The following KIAA1671 variants were observed in gnomAD, a reference collection of about 807,000 sequenced individuals.
The protein encoded by KIAA1671 is uncharacterized protein KIAA1671.
A neutral mutation model predicts 131.2 loss-of-function variants in KIAA1671; 52 were observed. That is an observed-to-expected ratio of 0.40 (90% CI 0.32 to 0.50). The LOEUF (loss-of-function observed/expected upper bound fraction) is 0.50. KIAA1671 is among the 20% of genes least tolerant of loss of function. The pLI is 0.73. For missense variants in KIAA1671, 2,360 were observed against 2,364.2 expected (o/e 1.00, Z 0.04); for synonymous variants, 1,003 against 961.6 (o/e 1.04, Z -0.80).
intron 10 of KIAA1671, among the ~76,000 whole-genome samples, chr22:25,183,097 C>T (rs551771798): frequency 6.6e-6 from 1 of 152,282 alleles, no homozygotes; most frequent in South Asian, 2.1e-4. Context: ...CATGTGCTTG[C>T]AAACTCACTT....
intron 6 of KIAA1671, among the ~76,000 whole-genome samples, chr22:25,165,605 T>C (rs1335248160): frequency 6.6e-6 from 1 of 152,192 alleles, no homozygotes; most frequent in African/African-American, 2.4e-5. Flanking sequence ...TTAATGTCAA[T>C]TTAAATTAAA....
At chr22:25,088,481 G>A (rs1020972736) in intron 6 of KIAA1671, among the ~76,000 whole-genome samples, 2 of 152,154 alleles carry the variant, frequency 1.3e-5, no homozygotes, top group African/African-American at 2.4e-5. Flanking sequence ...GTACAGAGGT[G>A]CGGCCACCAC....
chr22:25,146,686 A>G (rs1646791311), intron 6 of KIAA1671, among the ~76,000 whole-genome samples: 1 of 152,160 alleles, frequency 6.6e-6, no homozygotes, highest in Non-Finnish European at 1.5e-5. Flanking sequence ...GCAATGGATA[A>G]TGTTCCCCCC....
chr22:25,039,942 G>C lies in KIAA1671; in HGVS notation c.2812G>C (p.Gly938Arg), dbSNP rs886871438. ...PQPAVRMRKAGAMDQRMDRWR... is the reference protein window; with the variant it reads ...PQPAVRMRKARAMDQRMDRWR... ...GCCTGCAGTCAGAATGCGGAAAGCC[G>C]GCGCCATGGACCAGAGAATGGACAG... Residue 938 changes from glycine (G) to arginine (R), a missense_variant, in exon 5 of 13, where the codon GGC (glycine) becomes CGC (arginine). Around this residue, in one of 3 missense-constraint regions of KIAA1671, gnomAD observed 1,161 missense variants for 1,204.7 expected, o/e 0.96. Coordinates refer to ENST00000358431, the MANE Select transcript of KIAA1671 (RefSeq NM_001145206.2). The C allele has an allele frequency of 1.6e-4, 251 of 1,551,448 alleles. No homozygotes were observed. In the African/African-American group the frequency reaches 3.2e-3, roughly 20 times the overall value.
At chr22:25,075,398 G>T (rs1929049796) in intron 6 of KIAA1671, among the ~76,000 whole-genome samples, 1 of 151,974 alleles carries the variant, frequency 6.6e-6, no homozygotes, top group South Asian at 2.1e-4. Context: ...TTCTTTTTTG[G>T]TTCCAGGATC....
chr22:25,183,968 C>T (rs1222914640), intron 10 of KIAA1671, among the ~76,000 whole-genome samples: 1 of 152,166 alleles, frequency 6.6e-6, no homozygotes, highest in African/African-American at 2.4e-5. Context: ...CCCTGGGGCT[C>T]CCATGTGGAT....
intron 6 of KIAA1671, among the ~76,000 whole-genome samples, chr22:25,106,712 T>G (rs1931020087): frequency 1.3e-5 from 2 of 152,198 alleles, no homozygotes; most frequent in Admixed American, 1.3e-4. Context: ...AATATTTCAA[T>G]TGTTTTTAAA....
At chr22:25,029,761 A>G (rs980433249) in intron 3 of KIAA1671, among the ~76,000 whole-genome samples, 10 of 152,302 alleles carry the variant, frequency 6.6e-5, no homozygotes, top group African/African-American at 1.9e-4. Context: ...CCGGAGCCCA[A>G]TTTTCATGGC....
At chr22:25,035,764 C>T (rs1926555529) in intron 4 of KIAA1671, among the ~76,000 whole-genome samples, 1 of 152,080 alleles carries the variant, frequency 6.6e-6, no homozygotes, top group Non-Finnish European at 1.5e-5. Context: ...TGGGCAAGTT[C>T]ATTATTTTCT....
At chr22:25,098,185 A>C (rs1361212495) in intron 6 of KIAA1671, among the ~76,000 whole-genome samples, 5 of 152,206 alleles carry the variant, frequency 3.3e-5, no homozygotes, top group Non-Finnish European at 5.9e-5. Context: ...TGGAGGAGAG[A>C]GCAGCAGAGA....
intron 6 of KIAA1671, among the ~76,000 whole-genome samples, chr22:25,125,435 G>T (rs1397979241): frequency 1.3e-5 from 2 of 152,232 alleles, no homozygotes; most frequent in Non-Finnish European, 1.5e-5. Context: ...GTTCATAGTC[G>T]ACCAAGCATG....
chr22:25,148,184 G>A (rs376814259), intron 6 of KIAA1671, among the ~76,000 whole-genome samples: 22 of 151,714 alleles, frequency 1.5e-4, no homozygotes, highest in African/African-American at 5.1e-4. Flanking sequence ...CTCAGTCCCA[G>A]CCCTTTCTCA....
At chr22:25,037,400 G>GTATATATA (rs1926672903) in intron 4 of KIAA1671, among the ~76,000 whole-genome samples, 1 of 151,268 alleles carries the variant, frequency 6.6e-6, no homozygotes, top group African/African-American at 2.4e-5. Context: ...ATGTATATAT[G>GTATATATA]TATATATGTG....
At chr22:24,974,783 T>C (rs1602037513) in intron 1 of KIAA1671, among the ~76,000 whole-genome samples, 1 of 149,932 alleles carries the variant, frequency 6.7e-6, no homozygotes, top group Non-Finnish European at 1.5e-5. Flanking sequence ...ACCTCAACTT[T>C]CCGGCTTCAA....
At chr22:25,104,281 A>C (rs1930871765) in intron 6 of KIAA1671, among the ~76,000 whole-genome samples, 1 of 152,160 alleles carries the variant, frequency 6.6e-6, no homozygotes, top group Non-Finnish European at 1.5e-5. Context: ...TCCTGGCCCC[A>C]CCTTCTTTAT....
intron 10 of KIAA1671, among the ~76,000 whole-genome samples, chr22:25,183,908 T>A (rs897668953): frequency 6.7e-6 from 1 of 149,090 alleles, no homozygotes; most frequent in African/African-American, 2.4e-5. Context: ...TAAGGTAGCC[T>A]AACGCAGGAG....
intron 1 of KIAA1671, among the ~76,000 whole-genome samples, chr22:24,997,323 C>T (rs959197849): frequency 6.6e-5 from 10 of 152,250 alleles, no homozygotes. Context: ...TTAGCTCTCA[C>T]GAGTACTGAT....
rs751087133 is a variant in KIAA1671 at position 25,109,397 on chromosome 22, C to T, written c.4530+60033C>T. 2.0e-4 allele frequency among the ~76,000 whole-genome samples: 31 copies of T among 152,246 alleles called. 1 individual carries two copies. The highest frequency in any genetic ancestry group is 3.4e-3 in the Middle Eastern group (1 of 294). ...TGCTGGGATTACAGACATGAGCCGC[C>T]GCACCTGGCCCATCACTTCTTCTTT... On this transcript the variant is annotated intron_variant, in intron 6 of 12. Transcript: ENST00000358431.
chr22:25,065,675 C>T (rs1185087113), intron 6 of KIAA1671, among the ~76,000 whole-genome samples: 7 of 150,862 alleles, frequency 4.6e-5, no homozygotes, highest in African/African-American at 1.2e-4. Flanking sequence ...CAGTCTCGCT[C>T]GTCGCCCAGG....
Sources: allele counts gnomAD v4.1 joint callset (sites outside exome capture counted in the v4.1 genomes callset), GRCh38; gene constraint gnomAD v4.1.1; regional missense constraint gnomAD v4.1.1; transcripts MANE v1.5; gene names NCBI Gene and HGNC (gene_info 2026-07-23, HGNC 2026-07-21).